The following GNS variants were observed in gnomAD, a reference collection of about 807,000 sequenced individuals.
GNS encodes the protein N-acetylglucosamine-6-sulfatase.
A neutral mutation model predicts 69.7 loss-of-function variants in GNS; 40 were observed. The ratio of observed to expected loss-of-function variants is 0.57; its 90% CI spans 0.45 to 0.75. GNS has a LOEUF of 0.75. GNS is among the 30% of genes least tolerant of loss of function. GNS has a pLI of 0.00. For missense variants in GNS, 565 were observed against 685.5 expected (o/e 0.82, Z 1.96); for synonymous variants, 243 against 251.6 (o/e 0.97, Z 0.32).
chr12:64,758,441 G>C (rs1286211070), intron 1 of GNS, among the ~76,000 whole-genome samples: 2 of 146,108 alleles, frequency 1.4e-5, no homozygotes, highest in Non-Finnish European at 3.0e-5. Flanking sequence ...TCCTTCCTCA[G>C]CCTCCCAAGT....
intron 2 of GNS, 70 bp from the exon 3 acceptor site, chr12:64,747,988 G>C: frequency 1.1e-6 from 1 of 871,030 alleles, no homozygotes; most frequent in South Asian, 1.3e-5. Flanking sequence ...TTGTTAAAGA[G>C]AGTAAAGAAA....
intron 3 of GNS, among the ~76,000 whole-genome samples, chr12:64,746,562 C>G (rs1040684523): frequency 2.0e-5 from 3 of 152,124 alleles, no homozygotes; most frequent in African/African-American, 4.8e-5. Context: ...GCAGATGAAA[C>G]CCACTTTTAG....
chr12:64,716,721 G>A lies in GNS; in HGVS notation c.*20C>T, dbSNP rs768718890. On this transcript the variant is annotated 3_prime_UTR_variant, in exon 14 of 14. Coordinates refer to ENST00000258145, the MANE Select transcript of GNS (RefSeq NM_002076.4). ...GAAAGAGGCGTGCAGGGATCCATCT[G>A]CAGAGGCTGTGTGAGGTCGCTACAG... The A allele has an allele frequency of 4.7e-6, 7 of 1,501,022 alleles. No individual in the cohort carries two copies. The highest frequency in any genetic ancestry group is 4.5e-5 in the South Asian group (4 of 88,764). The allele number at this position is 1,501,022 out of a possible 1,614,324, so 93.0% of individuals were successfully genotyped here.
chr12:64,748,541 T>C (rs973813667), intron 2 of GNS, among the ~76,000 whole-genome samples: 25 of 152,216 alleles, frequency 1.6e-4, no homozygotes, highest in African/African-American at 6.0e-4. Flanking sequence ...GGGCACAGCA[T>C]GGTGAGAGAC....
At chr12:64,754,677 C>T (rs572405660) in intron 1 of GNS, among the ~76,000 whole-genome samples, 110 of 152,060 alleles carry the variant, frequency 7.2e-4, no homozygotes, top group Admixed American at 1.7e-3. Context: ...CTGCTTGAGG[C>T]CAGGAGTTTG....
chr12:64,741,858 T>C (rs1172801926), intron 6 of GNS, among the ~76,000 whole-genome samples: 1 of 152,260 alleles, frequency 6.6e-6, no homozygotes, highest in East Asian at 1.9e-4. Flanking sequence ...TGAATAACTC[T>C]GAGAAGTCCT....
intron 13 of GNS, among the ~76,000 whole-genome samples, chr12:64,718,638 A>AG (rs1370737521): frequency 2.6e-5 from 4 of 152,224 alleles, no homozygotes; most frequent in Admixed American, 6.5e-5. Context: ...TCCATGTCCT[A>AG]GCAGTGGCAT....
intron 9 of GNS, among the ~76,000 whole-genome samples, chr12:64,732,091 A>G (rs757239168): frequency 1.6e-4 from 24 of 151,158 alleles, no homozygotes; most frequent in Non-Finnish European, 2.9e-4. Context: ...GGTTCAAGCA[A>G]TACTCTTGCT....
intron 2 of GNS, among the ~76,000 whole-genome samples, chr12:64,749,149 C>A (rs1869991679): frequency 6.7e-6 from 1 of 150,178 alleles, no homozygotes. Context: ...CCGTGTTAGC[C>A]AGAATGGTCT....
At position 64,719,516 on chromosome 12, in the gene GNS, A is replaced by G. The variant is rs74616902; in HGVS notation, c.1580+506T>C. 8.4e-3 allele frequency among the ~76,000 whole-genome samples: 1,281 copies of G among 152,224 alleles called. 9 individuals are homozygous for G. The highest frequency in any genetic ancestry group is 0.025 in the South Asian group (121 of 4,818). ...AGCTAAACATCCTTTATACCTCCAT[A>G]TCGTGCAATGGGCTTATATATTTCA... On this transcript the variant is annotated intron_variant, in intron 13 of 13. Transcript: ENST00000258145.
intron 6 of GNS, 109 bp from the exon 7 acceptor site, chr12:64,740,797 A>G (rs949618471): frequency 7.1e-5 from 50 of 706,020 alleles, no homozygotes; most frequent in Non-Finnish European, 1.1e-4. Flanking sequence ...TACTTCAGCA[A>G]GAAGGAACTA....
At chr12:64,748,847 T>G (rs906346942) in intron 2 of GNS, among the ~76,000 whole-genome samples, 2 of 152,212 alleles carry the variant, frequency 1.3e-5, no homozygotes, top group Admixed American at 6.5e-5. Context: ...AGGGAAGGAA[T>G]GGGCATTTGA....
intron 9 of GNS, among the ~76,000 whole-genome samples, chr12:64,731,792 T>A (rs1056550274): frequency 6.6e-6 from 1 of 152,174 alleles, no homozygotes; most frequent in African/African-American, 2.4e-5. Context: ...ATTTAAGGGC[T>A]GGGCACAGTG....
intron 5 of GNS, among the ~76,000 whole-genome samples, chr12:64,743,877 A>G (rs1454584655): frequency 6.6e-6 from 1 of 152,250 alleles, no homozygotes; most frequent in Non-Finnish European, 1.5e-5. Context: ...AAAGCATGCT[A>G]CATACATGTT....
intron 10 of GNS, among the ~76,000 whole-genome samples, chr12:64,727,227 C>T (rs1433806054): frequency 1.4e-5 from 2 of 146,806 alleles, no homozygotes; most frequent in Non-Finnish European, 3.0e-5. Context: ...CCCAGGAGTT[C>T]GAGATCACCC....
intron 5 of GNS, among the ~76,000 whole-genome samples, chr12:64,743,702 G>T: frequency 6.6e-6 from 1 of 152,172 alleles, no homozygotes; most frequent in Admixed American, 6.5e-5. Flanking sequence ...GGGAAAGGTA[G>T]ATTAAGTTAC....
At chr12:64,719,925 T>TCC in intron 13 of GNS, 97 bp downstream of exon 13, 1 of 816,194 alleles carries the variant, frequency 1.2e-6, no homozygotes. Flanking sequence ...AGCAGAAGAA[T>TCC]CATCATCTCA....
At chr12:64,739,574 A>AG in intron 7 of GNS, 75 bp from the exon 8 acceptor site, 1 of 741,666 alleles carries the variant, frequency 1.3e-6, no homozygotes, top group Non-Finnish European at 2.4e-6. Context: ...CAAAAAAAAA[A>AG]AAAACCAAAA....
rs769449920 is a variant in GNS, at chr12:64,743,227, A to G, written c.706T>C (p.Ser236Pro). The G allele has an allele frequency of 4.3e-6, 7 of 1,613,024 alleles. No homozygotes were observed. The highest frequency in any genetic ancestry group is 5.9e-6 in the Non-Finnish European group (7 of 1,178,980). The part of the protein sequence containing the change: ...FMMIATPAPH[S>P]PWTAAPQYQK... ...TACTGAGGTGCAGCTGTCCAAGGCG[A>G]ATGAGGCGCTGGAGTGGCGATCATC... is the stretch of plus-strand genomic sequence containing the variant. Residue 236 changes from serine (S) to proline (P), a missense_variant, in exon 6 of 14, where the codon TCG becomes CCG. Transcript: ENST00000258145.
Sources: gnomAD v4.1 joint callset for allele counts (sites outside exome capture counted in the v4.1 genomes callset) on GRCh38, gnomAD v4.1.1 for gene constraint, MANE v1.5 for transcripts, NCBI Gene and HGNC (gene_info 2026-07-23, HGNC 2026-07-21) for gene names.